The following GNAS variants were observed in gnomAD, a reference collection of about 807,000 sequenced individuals.
The protein encoded by GNAS is GNAS complex locus.
GNAS carries 8 observed loss-of-function variants against 54.5 expected under a neutral mutation model. That is an observed-to-expected ratio of 0.15 (90% confidence interval 0.09 to 0.26). The LOEUF (loss-of-function observed/expected upper bound fraction) is 0.26, where lower values mean the gene tolerates loss of function less well. GNAS is among the 10% of genes least tolerant of loss of function. GNAS has a pLI of 1.00. For missense variants in GNAS, 170 were observed against 529.8 expected (o/e 0.32, Z 6.67); for synonymous variants, 204 against 191.4 (o/e 1.07, Z -0.54).
At chr20:58,840,489 A>T, upstream of GNAS, 1 of 1,613,246 alleles carries the variant, frequency 6.2e-7, no homozygotes. The surrounding 1 kb of genome is among the most constrained non-coding windows in gnomAD (Gnocchi z 6.0). Flanking sequence ...TTCGAGACCG[A>T]GCCTGAGACC....
chr20:58,850,158 C>T (rs1412397840), intron 1 of GNAS, among the ~76,000 whole-genome samples: 1 of 152,174 alleles, frequency 6.6e-6, no homozygotes, highest in South Asian at 2.1e-4. Context: ...ATAGCCAAGG[C>T]GTCTATCCTT....
At chr20:58,896,436 T>C (rs1180230080) in intron 2 of GNAS, among the ~76,000 whole-genome samples, 2 of 152,050 alleles carry the variant, frequency 1.3e-5, no homozygotes, top group African/African-American at 4.8e-5. Context: ...TAGCACAATG[T>C]GGCAATCCGT....
chr20:58,894,977 G>C (rs2089906262), intron 1 of GNAS, among the ~76,000 whole-genome samples: 1 of 152,198 alleles, frequency 6.6e-6, no homozygotes, highest in African/African-American at 2.4e-5. Context: ...TATAGTTTGT[G>C]AGGAAAGAGG....
At chr20:58,904,086 C>T (rs2090876947) in intron 5 of GNAS, among the ~76,000 whole-genome samples, 2 of 152,216 alleles carry the variant, frequency 1.3e-5, no homozygotes, top group Admixed American at 1.3e-4. Flanking sequence ...ATACTACAAT[C>T]TCACTTTATT....
chr20:58,894,229 G>C (rs2089819986), intron 1 of GNAS, among the ~76,000 whole-genome samples: 1 of 152,198 alleles, frequency 6.6e-6, no homozygotes, highest in African/African-American at 2.4e-5. Flanking sequence ...ATGAAAGATA[G>C]GTCCTGTAAC....
rs538098998 is a variant in GNAS, at chr20:58,873,717, C to T, written c.44-21895C>T. On this transcript the variant is annotated intron_variant, in intron 1 of 12. Coordinates refer to the GNAS transcript ENST00000306090. This position sits in a 1 kb window ranked among gnomAD's most constrained non-coding sequence, Gnocchi z 4.3. Reference sequence around the variant, plus strand: ...GGGCATTTTCATTTGTTCATTCATTCGATATACATGTATTGAGTGCCAAAT... The same window carrying T: ...GGGCATTTTCATTTGTTCATTCATTTGATATACATGTATTGAGTGCCAAAT... 5.3e-5 allele frequency among the ~76,000 whole-genome samples: 8 copies of T among 152,188 alleles called. No homozygotes were observed. Among genetic ancestry groups the T allele is most frequent in the African/African-American group, 1.2e-4 (5 of 41,508 alleles).
chr20:58,889,926 G>C (rs1250002821), upstream of GNAS, among the ~76,000 whole-genome samples: 5 of 151,732 alleles, frequency 3.3e-5, no homozygotes, highest in Non-Finnish European at 7.4e-5. Context: ...GGCGGAGAGC[G>C]AGAAGAAGAC....
chr20:58,909,518 C>T lies in GNAS; in HGVS notation c.660-3C>T, dbSNP rs2146277527. 1 of 1,614,054 alleles carries T rather than the reference C, an allele frequency of 6.2e-7. No homozygotes were observed. The highest frequency in any genetic ancestry group is 8.5e-7 in the Non-Finnish European group (1 of 1,179,912). On this transcript the variant is annotated splice_polypyrimidine_tract_variant and splice_region_variant and intron_variant, in intron 8 of 12. Transcript: ENST00000371085. The surrounding 1 kb of genome is among the most constrained non-coding windows in gnomAD (Gnocchi z 7.3). ...AATAACCAGCTGTCCTCCTCCCCAC[C>T]AGCATGTTTGACGTGGGTGGCCAGC...
chr20:58,887,946 A>AG (rs778547734), upstream of GNAS, among the ~76,000 whole-genome samples: 2 of 152,162 alleles, frequency 1.3e-5, no homozygotes, highest in African/African-American at 4.8e-5. Context: ...ACTGGGGAAA[A>AG]GGGGGGAATT....
chr20:58,905,509 A>G (rs2090980766), intron 6 of GNAS, 29 bp downstream of exon 6: 1 of 1,132,690 alleles, frequency 8.8e-7, no homozygotes, highest in Non-Finnish European at 1.4e-6. Context: ...ACCCATCAGC[A>G]CATAAAACAG....
intron 1 of GNAS, 50 bp downstream of exon 1, chr20:58,891,915 C>A: frequency 2.1e-6 from 2 of 966,296 alleles, no homozygotes; most frequent in South Asian, 4.5e-5. Flanking sequence ...CCTCGAAGGG[C>A]GCCCCGCAGG....
At chr20:58,849,283 T>C (rs774437053) in intron 1 of GNAS, among the ~76,000 whole-genome samples, 1 of 152,202 alleles carries the variant, frequency 6.6e-6, no homozygotes, top group South Asian at 2.1e-4. Context: ...TGAGATGTGC[T>C]GAGTGGTTCT....
intron 1 of GNAS, among the ~76,000 whole-genome samples, chr20:58,881,471 C>T (rs1568958700): frequency 6.6e-6 from 1 of 152,196 alleles, no homozygotes; most frequent in Non-Finnish European, 1.5e-5. Context: ...AAAACATAGC[C>T]TAGCCTTCTT....
At position 58,891,427 on chromosome 20, in the gene GNAS, T is replaced by C; in HGVS notation, c.-300T>C. The C allele has an allele frequency of 2.5e-6, 1 of 408,020 alleles. No individual in the cohort carries two copies. 25.3% of individuals were successfully genotyped at this position (408,020 alleles called of 1,614,324 possible). On this transcript the variant is annotated 5_prime_UTR_variant, in exon 1 of 13. Coordinates refer to ENST00000371085, the MANE Select transcript of GNAS (RefSeq NM_000516.7). ...CGGCGGCGGCAGCGGCGGCAGCAGC[T>C]CCCGCAGCTCCTGCTCTGGTCCGCC...
In GNAS at chr20:58,873,739, A is replaced by G. The variant is rs1479276263; in HGVS notation, c.44-21873A>G. 6.6e-6 allele frequency among the ~76,000 whole-genome samples: 1 copy of G among 152,162 alleles called. No homozygotes were observed. Among genetic ancestry groups the G allele is most frequent in the Non-Finnish European group, 1.5e-5 (1 of 68,030 alleles). On this transcript the variant is annotated intron_variant, in intron 1 of 12. Coordinates refer to the GNAS transcript ENST00000306090. This position sits in a 1 kb window ranked among gnomAD's most constrained non-coding sequence, Gnocchi z 4.3. The stretch of plus-strand genomic sequence containing the variant: ...ATTCGATATACATGTATTGAGTGCC[A>G]AATATGTGCCCTTCCCCGTGGGGAA...
chr20:58,847,998 T>G (rs1169717598), intron 1 of GNAS, among the ~76,000 whole-genome samples: 1 of 152,202 alleles, frequency 6.6e-6, no homozygotes, highest in Non-Finnish European at 1.5e-5. Context: ...GGGGCTGTAA[T>G]GGTGCTGTTC....
chr20:58,909,131 A>G lies in GNAS; in HGVS notation c.531-31A>G, dbSNP rs746629622. On this transcript the variant is annotated intron_variant, in intron 6 of 12. Coordinates refer to ENST00000371085, the MANE Select transcript of GNAS (RefSeq NM_000516.7). The surrounding 1 kb of genome is among the most constrained non-coding windows in gnomAD (Gnocchi z 7.3). The stretch of plus-strand genomic sequence containing the variant: ...TTGGCAAATTGATGTGAGCGCTGTG[A>G]ACACCCCACGTGTCTTTCTTTTTCT... 2 of 1,602,630 alleles carry G rather than the reference A, an allele frequency of 1.2e-6. No individual in the cohort carries two copies. The highest frequency in any genetic ancestry group is 3.3e-5 in the Admixed American group (2 of 60,004).
rs2145726836 is a variant in GNAS at position 58,873,284 on chromosome 20, A to G, written c.44-22328A>G. ...GGTCACGGTGGTTCTTCAGGAAGAAAGAAATGTTGTTGGGAAATGTTTAGT... is the reference window on the plus strand; with the variant it reads ...GGTCACGGTGGTTCTTCAGGAAGAAGGAAATGTTGTTGGGAAATGTTTAGT... On this transcript the variant is annotated intron_variant, in intron 1 of 12. Transcript: ENST00000306090. The surrounding 1 kb of genome is among the most constrained non-coding windows in gnomAD (Gnocchi z 4.3). Among the ~76,000 whole-genome samples, 1 of 152,350 alleles carries G rather than the reference A, an allele frequency of 6.6e-6. No individual in the cohort carries two copies. The highest frequency in any genetic ancestry group is 2.1e-4 in the South Asian group (1 of 4,822).
chr20:58,853,021 G>A lies in GNAS; in HGVS notation c.43+12135G>A. 1.1e-5 allele frequency: 14 copies of A among 1,314,588 alleles called. No individual in the cohort carries two copies. The highest frequency in any genetic ancestry group is 1.4e-5 in the Non-Finnish European group (14 of 1,035,368). 81.4% of individuals were successfully genotyped at this position (1,314,588 alleles called of 1,614,324 possible). A position where few individuals can be genotyped will look rare whatever the true frequency, so the allele number is the denominator to read the frequency against. On this transcript the variant is annotated intron_variant, in intron 1 of 12. Transcript: ENST00000306090. The surrounding 1 kb of genome is among the most constrained non-coding windows in gnomAD (Gnocchi z 4.4). ...AGAGGGGCTGGGGGGCAGCCTGGGG[G>A]CATGAAAAGTGGCCAGGAAGGAGCC...
Sources: gnomAD v4.1 joint callset for allele counts (sites outside exome capture counted in the v4.1 genomes callset) on GRCh38, gnomAD v4.1.1 for gene constraint, Gnocchi (gnomAD v3.1) non-coding constraint, MANE v1.5 for transcripts, NCBI Gene and HGNC (gene_info 2026-07-23, HGNC 2026-07-21) for gene names.